Variants in CENPK observed in about 807,000 individuals in gnomAD.
CENPK encodes the protein SoxLZ/Sox6-binding protein Solt.
Under a neutral mutation model 40.9 loss-of-function variants are expected in CENPK, and 46 were observed. The ratio of observed to expected loss-of-function variants is 1.13; its 90% confidence interval spans 0.89 to 1.44. The LOEUF (loss-of-function observed/expected upper bound fraction) is 1.44, where lower values mean the gene tolerates loss of function less well. CENPK is among the 40% of genes most tolerant of loss of function. The pLI, the probability that CENPK is intolerant of heterozygous loss-of-function variation, is 0.00. For synonymous variants in CENPK, 107 were observed against 104.4 expected (o/e 1.02, Z -0.15); for missense variants, 288 against 303.5 (o/e 0.95, Z 0.38).
intron 6 of CENPK, among the ~76,000 whole-genome samples, chr5:65,537,502 C>T (rs778792336): frequency 2.0e-5 from 3 of 152,054 alleles, no homozygotes; most frequent in South Asian, 2.1e-4. Flanking sequence ...GACGGGGTTT[C>T]GCCGTGCTAG....
At chr5:65,512,680 A>G in the CENPK span, among the ~76,000 whole-genome samples, 1 of 152,290 alleles carries the variant, frequency 6.6e-6, no homozygotes, top group African/African-American at 2.4e-5. Context: ...AAATCAAACA[A>G]TTTGTGTGAC....
At chr5:65,557,258 G>T (rs1303059346) in intron 2 of CENPK, among the ~76,000 whole-genome samples, 1 of 152,204 alleles carries the variant, frequency 6.6e-6, no homozygotes, top group African/African-American at 2.4e-5. Context: ...AATTTATTTA[G>T]TAATATAGAG....
Position 65,529,188 on chromosome 5 carries a change from C to T in CENPK, c.300G>A (p.Leu100=), listed in dbSNP as rs2150375703. The change falls in exon 7 of 11, where the codon CTG becomes CTA. Residue 100 remains leucine (L), a synonymous_variant. Transcript: ENST00000396679. ...ITLGKEEFQK[L]RQDLEMVLST... ...ACAGTACCATTTCAAGATCTTGTCT[C>T]AGCTTTTGGAACTAGAATAAAATAA... The T allele has an allele frequency of 3.7e-6, 6 of 1,604,316 alleles. No individual in the cohort carries two copies. Among genetic ancestry groups the T allele is most frequent in the Non-Finnish European group, 5.1e-6 (6 of 1,173,648 alleles).
intron 6 of CENPK, among the ~76,000 whole-genome samples, chr5:65,537,102 T>C (rs115657170): frequency 2.7e-3 from 413 of 152,318 alleles, no homozygotes; most frequent in Non-Finnish European, 4.5e-3. Context: ...TTCCCAATCT[T>C]TTTAAGTTCT....
chr5:65,552,473 A>G lies in CENPK; in HGVS notation c.168+20T>C. ...TAATTCCACTTACCTTGTATTTTTT[A>G]GGAAGAAAAAGATTCATACCTGAGC... On this transcript the variant is annotated intron_variant, in intron 4 of 10. Transcript: ENST00000396679. The G allele has an allele frequency of 6.8e-7, 1 of 1,468,448 alleles. No homozygotes were observed. The allele number at this position is 1,468,448 out of a possible 1,614,324, so 91.0% of individuals were successfully genotyped here. A position where few individuals can be genotyped will look rare whatever the true frequency, so the allele number is the denominator to read the frequency against.
At chr5:65,531,253 T>C (rs1039118052) in intron 6 of CENPK, among the ~76,000 whole-genome samples, 2 of 150,930 alleles carry the variant, frequency 1.3e-5, no homozygotes, top group South Asian at 2.1e-4. Flanking sequence ...TGGCATTAAA[T>C]TGAAAAATAG....
Position 65,545,324 on chromosome 5 carries a change from G to GCACA in CENPK, c.242-2480_242-2477dup, listed in dbSNP as rs869192025. The stretch of plus-strand genomic sequence containing the variant: ...GACAAAGAAAAAGTCCTCAAAGCGC[G>GCACA]CACACACACACACACACACACACAC... On this transcript the variant is annotated intron_variant, in intron 5 of 10. Coordinates refer to ENST00000396679, the MANE Select transcript of CENPK (RefSeq NM_022145.5). Among the ~76,000 whole-genome samples the GCACA allele has an allele frequency of 1.5e-3, 97 of 64,366 alleles. 1 individual carries two copies. The highest frequency in any genetic ancestry group is 0.011 in the East Asian group (9 of 796). The allele number at this position is 64,366 out of a possible 152,430, so 42.2% of individuals were successfully genotyped here. A position where few individuals can be genotyped will look rare whatever the true frequency, so the allele number is the denominator to read the frequency against.
rs1429032097 is a variant in CENPK at position 65,528,442 on chromosome 5, TA to T, written c.597+9del. On this transcript the variant is annotated intron_variant, in intron 9 of 10. Coordinates refer to ENST00000396679, the MANE Select transcript of CENPK (RefSeq NM_022145.5). ...TGATAATTTACATAAATGTCTTCTC[TA>T]AAACTTACCTTTTTCTTTTTAACAC... 6.3e-7 allele frequency: 1 copy of T among 1,581,192 alleles called. No homozygotes were observed. The highest frequency in any genetic ancestry group is 1.4e-5 in the African/African-American group (1 of 72,616).
At chr5:65,529,711 G>C (rs7715768) in intron 6 of CENPK, 115,575 of 152,492 alleles carry the variant, frequency 0.76, 44,146 homozygotes, top group East Asian at 0.89. Flanking sequence ...TGGTCTCGAT[G>C]TCCTGACCTT....
the CENPK span, among the ~76,000 whole-genome samples, chr5:65,509,809 G>T: frequency 6.6e-6 from 1 of 152,120 alleles, no homozygotes; most frequent in Non-Finnish European, 1.5e-5. Context: ...TGCTCACTTT[G>T]TGTCTCTCTG....
chr5:65,555,015 TA>T (rs1237625581), intron 2 of CENPK, 69 bp from the exon 3 acceptor site: 9 of 738,490 alleles, frequency 1.2e-5, no homozygotes, highest in Admixed American at 9.0e-5. Context: ...GATACTCATC[TA>T]GGGGGTAAGA....
At chr5:65,521,690 TC>T (rs1320743685) in intron 9 of CENPK, among the ~76,000 whole-genome samples, 162 bp from the exon 10 acceptor site, 2 of 152,172 alleles carry the variant, frequency 1.3e-5, no homozygotes, top group Admixed American at 6.5e-5. Flanking sequence ...AACCTCCGCC[TC>T]CCGGATTCAA....
intron 6 of CENPK, among the ~76,000 whole-genome samples, chr5:65,537,775 G>A (rs1410227732): frequency 6.6e-6 from 1 of 151,906 alleles, no homozygotes; most frequent in Non-Finnish European, 1.5e-5. Flanking sequence ...GTCCAATAAT[G>A]TGTCACTGTT....
At chr5:65,509,156 G>C in the CENPK span, among the ~76,000 whole-genome samples, 1 of 152,072 alleles carries the variant, frequency 6.6e-6, no homozygotes, top group Non-Finnish European at 1.5e-5. Flanking sequence ...ATCTTGTCTT[G>C]GCGTATCTCC....
downstream of CENPK, among the ~76,000 whole-genome samples, chr5:65,517,593 G>A (rs1368641041): frequency 6.6e-6 from 1 of 152,050 alleles, no homozygotes; most frequent in Non-Finnish European, 1.5e-5. Context: ...ACAGTAGAAA[G>A]CGCTTTCAAG....
At chr5:65,516,147 G>A (rs1043902363), downstream of CENPK, among the ~76,000 whole-genome samples, 5 of 152,126 alleles carry the variant, frequency 3.3e-5, no homozygotes, top group Non-Finnish European at 7.4e-5. Flanking sequence ...ATATAAATCT[G>A]GGGAAGAGGG....
chr5:65,561,585 T>C (rs994240700), intron 1 of CENPK, 21 bp from the exon 2 acceptor site: 2 of 418,954 alleles, frequency 4.8e-6, no homozygotes, highest in Admixed American at 2.7e-5. Flanking sequence ...TAAATTTCAG[T>C]TGTTTAATTA....
chr5:65,515,145 A>G (rs1742773287), downstream of CENPK, among the ~76,000 whole-genome samples: 2 of 151,326 alleles, frequency 1.3e-5, no homozygotes, highest in South Asian at 4.2e-4. Context: ...ATTTTCCAAT[A>G]TATGCACTCA....
chr5:65,507,193 C>T, the CENPK span, among the ~76,000 whole-genome samples: 1 of 152,218 alleles, frequency 6.6e-6, no homozygotes, highest in African/African-American at 2.4e-5. Context: ...CCCATGCAGA[C>T]CAAGTAATAT....
Sources: gnomAD v4.1 joint callset for allele counts (sites outside exome capture counted in the v4.1 genomes callset) on GRCh38, gnomAD v4.1.1 for gene constraint, MANE v1.5 for transcripts, NCBI Gene and HGNC (gene_info 2026-07-23, HGNC 2026-07-21) for gene names.